Variants in WDR33 observed in about 807,000 individuals in gnomAD.
The protein encoded by WDR33 is pre-mRNA 3' end processing protein WDR33.
A neutral mutation model predicts 164.9 loss-of-function variants in WDR33; 47 were observed. That is an observed-to-expected ratio of 0.29 (90% CI 0.23 to 0.36). The LOEUF is 0.36. WDR33 is among the 10% of genes least tolerant of loss of function. WDR33 has a pLI of 1.00. For synonymous variants in WDR33, 505 were observed against 589.0 expected, an observed-to-expected ratio of 0.86 and a Z score of 2.06; for missense variants, 1,137 against 1,754.1, an observed-to-expected ratio of 0.65 and a Z score of 6.28.
intron 7 of WDR33, among the ~76,000 whole-genome samples, chr2:127,734,027 T>C (rs1026645887): frequency 1.3e-5 from 2 of 152,192 alleles, no homozygotes; most frequent in Non-Finnish European, 2.9e-5. Flanking sequence ...GTCCCTTCTG[T>C]TCCAATTACA....
chr2:127,800,821 A>C (rs577009595), intron 1 of WDR33, among the ~76,000 whole-genome samples: 2 of 152,214 alleles, frequency 1.3e-5, no homozygotes, highest in Admixed American at 1.3e-4. Flanking sequence ...AAGCTATTTA[A>C]GACAGAAATC....
At chr2:127,731,243 CA>C (rs1441311622) in intron 7 of WDR33, among the ~76,000 whole-genome samples, 1 of 133,188 alleles carries the variant, frequency 7.5e-6, no homozygotes, top group African/African-American at 2.9e-5. Context: ...TGCAGTGAGC[CA>C]AGATCACGCC....
chr2:127,798,803 T>G (rs1263589216), intron 1 of WDR33: 1 of 152,116 alleles, frequency 6.6e-6, no homozygotes, highest in East Asian at 1.9e-4. Flanking sequence ...AAACCTGTCC[T>G]TAATTTTTAC....
chr2:127,704,929 AACAC>A lies in WDR33; in HGVS notation c.*1390_*1393del, dbSNP rs1278742977. 1.9e-5 allele frequency: 3 copies of A among 158,310 alleles called. No homozygotes were observed. The highest frequency in any genetic ancestry group is 6.5e-5 in the Admixed American group (1 of 15,270). 9.8% of individuals were successfully genotyped at this position (158,310 alleles called of 1,614,324 possible). Reference sequence around the variant, plus strand: ...GTGGTGAAACTCCATCTCTACAAAAAACACACACACAAAAAATTAGCTGGGCATG... The same window carrying A: ...GTGGTGAAACTCCATCTCTACAAAAAACACACAAAAAATTAGCTGGGCATG... On this transcript the variant is annotated 3_prime_UTR_variant, in exon 22 of 22. Transcript: ENST00000322313.
chr2:127,768,189 C>A lies in WDR33; in HGVS notation c.378G>T (p.Arg126Ser). ...NKVKCPVFVV[R>S]WTPEGRRLVT... ...CCAAAATATCCAACAGATTACTTACCCTAACAACAAATACAGGACACTTTA... is the reference window on the plus strand; with the variant it reads ...CCAAAATATCCAACAGATTACTTACACTAACAACAAATACAGGACACTTTA... Residue 126 changes from arginine to serine, a missense_variant and splice_region_variant, in exon 4 of 22, where the codon AGG becomes AGT. This residue lies in a region of WDR33 where 55 missense variants were observed against 84.6 expected (regional missense o/e 0.65). Coordinates refer to ENST00000322313, the MANE Select transcript of WDR33 (RefSeq NM_018383.5). The A allele has an allele frequency of 6.5e-7, 1 of 1,530,744 alleles. No homozygotes were observed. The highest frequency in any genetic ancestry group is 8.8e-7 in the Non-Finnish European group (1 of 1,131,934). 94.8% of individuals were successfully genotyped at this position (1,530,744 alleles called of 1,614,324 possible). A position where few individuals can be genotyped will look rare whatever the true frequency, so the allele number is the denominator to read the frequency against.
rs532387258 is a variant in WDR33, at chr2:127,751,902, C to A, written c.724+11160G>T. 3.3e-5 allele frequency among the ~76,000 whole-genome samples: 5 copies of A among 152,302 alleles called. No individual in the cohort carries two copies. In the South Asian group the frequency reaches 1.0e-3, roughly 32 times the overall value. On this transcript the variant is annotated intron_variant, in intron 7 of 21. Coordinates refer to ENST00000322313, the MANE Select transcript of WDR33 (RefSeq NM_018383.5). ...TAAGGTTTCGGCTCCTACCCTCCAA[C>A]AAACTACACGGAAGACTCTGAGGAC... is the stretch of plus-strand genomic sequence containing the variant.
At chr2:127,778,139 T>A (rs544178958) in intron 1 of WDR33, among the ~76,000 whole-genome samples, 17 of 151,812 alleles carry the variant, frequency 1.1e-4, no homozygotes, top group African/African-American at 2.4e-4. Context: ...TGCAAAAAAA[T>A]TTTAAAAAAT....
At chr2:127,707,308 G>A (rs1686045203) in intron 21 of WDR33, among the ~76,000 whole-genome samples, 4 of 151,566 alleles carry the variant, frequency 2.6e-5, no homozygotes, top group Admixed American at 2.6e-4. Flanking sequence ...CTCAGGAAAT[G>A]ATAGGATTTG....
Position 127,750,733 on chromosome 2 carries a change from TATGTATGCATAC to T in WDR33, c.724+12317_724+12328del, listed in dbSNP as rs1228869798. On this transcript the variant is annotated intron_variant, in intron 7 of 21. Transcript: ENST00000322313. Reference sequence around the variant, plus strand: ...ATATATGTATGTATGCATACATATATATGTATGCATACATATATATGTATACATACATATATA... The same window carrying T: ...ATATATGTATGTATGCATACATATATATATATATGTATACATACATATATA... Among the ~76,000 whole-genome samples, 89 of 61,992 alleles carry T rather than the reference TATGTATGCATAC, an allele frequency of 1.4e-3. 1 individual carries two copies. Among genetic ancestry groups the T allele is most frequent in the African/African-American group, 9.2e-3 (82 of 8,924 alleles). 40.7% of individuals were successfully genotyped at this position (61,992 alleles called of 152,430 possible). A position where few individuals can be genotyped will look rare whatever the true frequency, so the allele number is the denominator to read the frequency against.
Position 127,706,286 on chromosome 2 carries a change from C to T in WDR33, c.*37G>A. On this transcript the variant is annotated 3_prime_UTR_variant, in exon 22 of 22. Coordinates refer to ENST00000322313, the MANE Select transcript of WDR33 (RefSeq NM_018383.5). This position sits in a 1 kb window ranked among gnomAD's most constrained non-coding sequence, Gnocchi z 5.1. Reference sequence around the variant, plus strand: ...TGAGTCCACAAGAAGTTCTTACATACTGTCCAGAGAGGCCTCAGGGTACTC... The same window carrying T: ...TGAGTCCACAAGAAGTTCTTACATATTGTCCAGAGAGGCCTCAGGGTACTC... The T allele has an allele frequency of 6.7e-7, 1 of 1,482,332 alleles. No individual in the cohort carries two copies. The highest frequency in any genetic ancestry group is 1.4e-5 in the South Asian group (1 of 70,284). The allele number at this position is 1,482,332 out of a possible 1,614,324, so 91.8% of individuals were successfully genotyped here.
rs991210328 is a variant in WDR33 at position 127,726,406 on chromosome 2, T to TCCC, written c.851+242_851+244dup. On this transcript the variant is annotated intron_variant, in intron 8 of 21. Transcript: ENST00000322313. This position sits in a 1 kb window ranked among gnomAD's most constrained non-coding sequence, Gnocchi z 4.8. ...GTAACCACCTCCCTCCTCATCCTCC[T>TCCC]CCCCACCCGTATATAACAACCAAAT... Among the ~76,000 whole-genome samples, 3 of 152,044 alleles carry TCCC rather than the reference T, an allele frequency of 2.0e-5. No homozygotes were observed.
intron 7 of WDR33, among the ~76,000 whole-genome samples, chr2:127,748,869 T>G (rs933855554): frequency 1.7e-4 from 23 of 137,548 alleles, no homozygotes; most frequent in African/African-American, 5.9e-4. Flanking sequence ...CAGGGCCTCC[T>G]AGGTAGCTGA....
At chr2:127,737,937 A>G in intron 7 of WDR33, 2 of 1,576,944 alleles carry the variant, frequency 1.3e-6, no homozygotes, top group African/African-American at 1.4e-5. Flanking sequence ...GTTTTGCCAG[A>G]ATCTTCTTGG....
At chr2:127,732,306 C>CTT (rs201642804) in intron 7 of WDR33, among the ~76,000 whole-genome samples, 2 of 147,434 alleles carry the variant, frequency 1.4e-5, no homozygotes, top group Non-Finnish European at 3.0e-5. Flanking sequence ...GAACTTTTTT[C>CTT]TTTTTTTTTT....
chr2:127,751,510 C>T (rs1256789113), intron 7 of WDR33, among the ~76,000 whole-genome samples: 1 of 149,274 alleles, frequency 6.7e-6, no homozygotes, highest in African/African-American at 2.5e-5. Flanking sequence ...ATGATCATGC[C>T]AGTGTACTCC....
chr2:127,711,296 G>A (rs1340714634), intron 18 of WDR33, among the ~76,000 whole-genome samples: 6 of 151,772 alleles, frequency 4.0e-5, no homozygotes, highest in Non-Finnish European at 7.4e-5. Context: ...GTGGTGGCGC[G>A]TGCCTGTAAT....
chr2:127,709,737 G>A lies in WDR33; in HGVS notation c.3428C>T (p.Ala1143Val), dbSNP rs748952743. The A allele has an allele frequency of 1.9e-6, 3 of 1,614,154 alleles. 1 individual carries two copies. Among genetic ancestry groups the A allele is most frequent in the East Asian group, 2.2e-5 (1 of 44,872 alleles). Reference sequence around the variant, plus strand: ...TCGACCTCTGAGATCTCGTCCTCGGGCCGCTTCCTCAGAAGCATCAAAATT... The same window carrying A: ...TCGACCTCTGAGATCTCGTCCTCGGACCGCTTCCTCAGAAGCATCAAAATT... Reference protein sequence around the residue: ...EENFDASEEAARGRDLRGRGR... With the variant: ...EENFDASEEAVRGRDLRGRGR... The change falls in exon 19 of 22, where the codon GCC becomes GTC. Residue 1143 changes from alanine to valine, a missense_variant. Ala to Val is a moderately conservative substitution (Grantham distance 64). This residue lies in a region of WDR33 where 867 missense variants were observed against 1,073.0 expected (regional missense o/e 0.81). Coordinates refer to ENST00000322313, the MANE Select transcript of WDR33 (RefSeq NM_018383.5). The surrounding 1 kb of genome is among the most constrained non-coding windows in gnomAD (Gnocchi z 5.0).
At chr2:127,809,247 A>C (rs2104697197) in intron 1 of WDR33, among the ~76,000 whole-genome samples, 1 of 152,186 alleles carries the variant, frequency 6.6e-6, no homozygotes, top group East Asian at 1.9e-4. Context: ...AGAGCTCTGA[A>C]TAAATACCTT....
At chr2:127,746,827 A>C (rs1687181786) in intron 7 of WDR33, among the ~76,000 whole-genome samples, 1 of 152,238 alleles carries the variant, frequency 6.6e-6, no homozygotes, top group Non-Finnish European at 1.5e-5. Flanking sequence ...ATATTCTTCT[A>C]TCATTACATT....
Sources: gnomAD v4.1 joint callset for allele counts (sites outside exome capture counted in the v4.1 genomes callset) on GRCh38, gnomAD v4.1.1 for gene constraint, gnomAD v4.1.1 regional missense constraint, Gnocchi (gnomAD v3.1) non-coding constraint, MANE v1.5 for transcripts, NCBI Gene and HGNC (gene_info 2026-07-23, HGNC 2026-07-21) for gene names.